The following CLIC4 variants were observed in gnomAD, a reference collection of about 807,000 sequenced individuals.
The protein encoded by CLIC4 is CLIC family member 4, also known as chloride intracellular channel protein 4.
A neutral mutation model predicts 24.6 loss-of-function variants in CLIC4; 13 were observed. The ratio of observed to expected loss-of-function variants is 0.53; its 90% CI spans 0.34 to 0.84. CLIC4 has a LOEUF of 0.84. Among genes scored for constraint, CLIC4 ranks in the 40% least tolerant of loss-of-function variants. CLIC4 has a pLI of 0.01. For missense variants in CLIC4, 227 were observed against 301.7 expected (o/e 0.75, Z 1.83); for synonymous variants, 104 against 111.3 (o/e 0.93, Z 0.41).
In CLIC4 at chr1:24,745,487, G is replaced by A. The variant is rs1350248777; in HGVS notation, c.-67G>A. On this transcript the variant is annotated 5_prime_UTR_variant, in exon 1 of 6. Coordinates refer to ENST00000374379, the MANE Select transcript of CLIC4 (RefSeq NM_013943.3). ...ACGGCGGGAACCGGCAGCCGGAGCA[G>A]TCCCGGAGCAGAAGCAGCAGCAGCA... 2.7e-6 allele frequency: 4 copies of A among 1,456,454 alleles called. No individual in the cohort carries two copies. Among genetic ancestry groups the A allele is most frequent in the Non-Finnish European group, 3.7e-6 (4 of 1,073,456 alleles). The allele number at this position is 1,456,454 out of a possible 1,614,324, so 90.2% of individuals were successfully genotyped here.
At chr1:24,773,591 C>CTTTTTT (rs61367134) in intron 1 of CLIC4, among the ~76,000 whole-genome samples, 2 of 74,010 alleles carry the variant, frequency 2.7e-5, no homozygotes, top group Non-Finnish European at 5.1e-5. Flanking sequence ...TGAGATGCAC[C>CTTTTTT]TTTTTTTTTT....
intron 2 of CLIC4, among the ~76,000 whole-genome samples, chr1:24,809,509 C>T (rs1241722154): frequency 2.0e-5 from 3 of 152,128 alleles, no homozygotes; most frequent in African/African-American, 2.4e-5. Context: ...CTCACTCTGT[C>T]GCCCAGGCTG....
chr1:24,823,976 T>C (rs1372125366), intron 3 of CLIC4, among the ~76,000 whole-genome samples: 1 of 152,164 alleles, frequency 6.6e-6, no homozygotes, highest in Non-Finnish European at 1.5e-5. Flanking sequence ...CCCTGGGTGC[T>C]CATGTCTATT....
chr1:24,813,337 C>T (rs141326232), intron 2 of CLIC4, among the ~76,000 whole-genome samples: 2,697 of 151,942 alleles, frequency 0.018, 28 homozygotes, highest in Middle Eastern at 0.065. Flanking sequence ...CCACCGTGCC[C>T]GGCTGAAAAA....
intron 2 of CLIC4, among the ~76,000 whole-genome samples, chr1:24,808,518 T>G (rs1450910648): frequency 1.5e-5 from 2 of 133,090 alleles, no homozygotes; most frequent in African/African-American, 2.7e-5. Flanking sequence ...GCCCCCGCCC[T>G]GCCGCCCTTT....
intron 3 of CLIC4, among the ~76,000 whole-genome samples, chr1:24,824,835 C>T (rs1002391403): frequency 2.0e-5 from 3 of 151,624 alleles, no homozygotes; most frequent in African/African-American, 7.3e-5. Flanking sequence ...CTCGTCTCTA[C>T]AAAAAAATAC....
chr1:24,756,068 C>G (rs1423320509), intron 1 of CLIC4, among the ~76,000 whole-genome samples: 2 of 148,300 alleles, frequency 1.3e-5, no homozygotes, highest in Non-Finnish European at 3.0e-5. Flanking sequence ...GACGCGATCT[C>G]TGCTCACTGC....
At chr1:24,767,249 G>A (rs767894751) in intron 1 of CLIC4, among the ~76,000 whole-genome samples, 96 of 152,172 alleles carry the variant, frequency 6.3e-4, no homozygotes, top group Admixed American at 2.2e-3. Context: ...TTCACTAGTT[G>A]CCTTGGTGTC....
chr1:24,793,707 A>ATT (rs1019164641), intron 1 of CLIC4, among the ~76,000 whole-genome samples: 1 of 146,890 alleles, frequency 6.8e-6, no homozygotes. Context: ...GAATGATCGG[A>ATT]TTTTTTTTTT....
intron 2 of CLIC4, among the ~76,000 whole-genome samples, chr1:24,813,042 C>CTTT (rs766894932): frequency 8.8e-6 from 1 of 114,098 alleles, no homozygotes; most frequent in South Asian, 3.1e-4. Context: ...TTCTTTCTTT[C>CTTT]TTTCTTTTTT....
At chr1:24,788,314 T>C (rs528570372) in intron 1 of CLIC4, among the ~76,000 whole-genome samples, 1 of 152,282 alleles carries the variant, frequency 6.6e-6, no homozygotes, top group African/African-American at 2.4e-5. Flanking sequence ...TTAAAACATT[T>C]TCATCACCTC....
Position 24,748,406 on chromosome 1 carries a change from C to T in CLIC4, c.72+2781C>T, listed in dbSNP as rs191651797. ...AGGCAGTTTGTTTTCACTCTTTAAG[C>T]CTTGTTTGTCTCATTTGTGAAATAA... On this transcript the variant is annotated intron_variant, in intron 1 of 5. Transcript: ENST00000374379. 5.3e-5 allele frequency among the ~76,000 whole-genome samples: 8 copies of T among 151,038 alleles called. No individual in the cohort carries two copies. The East Asian group carries it at 1.6e-3, about 29-fold the overall frequency.
intron 1 of CLIC4, among the ~76,000 whole-genome samples, chr1:24,762,177 G>A (rs1459926105): frequency 6.6e-6 from 1 of 152,160 alleles, no homozygotes; most frequent in East Asian, 1.9e-4. Flanking sequence ...CAGCACTATG[G>A]AAGGCTGAGG....
intron 2 of CLIC4, among the ~76,000 whole-genome samples, chr1:24,805,103 AAACAC>A (rs1313397395): frequency 1.3e-4 from 16 of 124,756 alleles, no homozygotes; most frequent in African/African-American, 2.7e-4. Flanking sequence ...AAAAAAAAAA[AAACAC>A]AAAAACAAAG....
intron 1 of CLIC4, among the ~76,000 whole-genome samples, chr1:24,784,544 GTTTC>G (rs973739607): frequency 1.4e-4 from 22 of 152,200 alleles, no homozygotes; most frequent in Non-Finnish European, 1.9e-4. Flanking sequence ...CTGTCCTGGA[GTTTC>G]TTCTAGCCCT....
In CLIC4 at chr1:24,842,965, G is replaced by A. The variant is rs754581422; in HGVS notation, c.*2028G>A. On this transcript the variant is annotated 3_prime_UTR_variant, in exon 6 of 6. Coordinates refer to ENST00000374379, the MANE Select transcript of CLIC4 (RefSeq NM_013943.3). ...GTGAGGTTTGTTCTTTCCAGTGAAT[G>A]GTGGACTGAGTGGTGCGAGGTGGAG... is the stretch of plus-strand genomic sequence containing the variant. 6.6e-6 allele frequency: 1 copy of A among 152,126 alleles called. No homozygotes were observed. The highest frequency in any genetic ancestry group is 2.4e-5 in the African/African-American group (1 of 41,432). The allele number at this position is 152,126 out of a possible 1,614,324, so 9.4% of individuals were successfully genotyped here. A position where few individuals can be genotyped will look rare whatever the true frequency, so the allele number is the denominator to read the frequency against.
chr1:24,777,800 C>T (rs920954785), intron 1 of CLIC4: 4 of 152,064 alleles, frequency 2.6e-5, no homozygotes, highest in Non-Finnish European at 5.9e-5. Flanking sequence ...TTATGTTGAT[C>T]ATGTGTTGAA....
At chr1:24,839,455 A>G (rs1285033251) in intron 4 of CLIC4, among the ~76,000 whole-genome samples, 2 of 151,968 alleles carry the variant, frequency 1.3e-5, no homozygotes, top group South Asian at 2.1e-4. Context: ...GCCCGCCACC[A>G]CGCCCGGCTA....
intron 4 of CLIC4, among the ~76,000 whole-genome samples, chr1:24,831,489 C>T (rs1639840015): frequency 1.3e-5 from 2 of 152,334 alleles, no homozygotes; most frequent in South Asian, 4.1e-4. Context: ...TGTCAAAACA[C>T]TCAAATAGCA....
Sources: gnomAD v4.1 joint callset for allele counts (sites outside exome capture counted in the v4.1 genomes callset) on GRCh38, gnomAD v4.1.1 for gene constraint, MANE v1.5 for transcripts, NCBI Gene and HGNC (gene_info 2026-07-23, HGNC 2026-07-21) for gene names.